Variants in CTNNBL1 observed in about 807,000 individuals in gnomAD.
CTNNBL1 encodes the protein beta-catenin-like protein 1.
Under a neutral mutation model 72.7 loss-of-function variants are expected in CTNNBL1, and 31 were observed. The ratio of observed to expected loss-of-function variants is 0.43; its 90% CI spans 0.32 to 0.58. The LOEUF (loss-of-function observed/expected upper bound fraction) is 0.58. Among genes scored for constraint, CTNNBL1 ranks in the 20% least tolerant of loss-of-function variants. The pLI, the probability that CTNNBL1 is intolerant of heterozygous loss-of-function variation, is 0.08. For missense variants in CTNNBL1, 534 were observed against 725.1 expected, an observed-to-expected ratio of 0.74 and a Z score of 3.03; for synonymous variants, 240 against 267.3, an observed-to-expected ratio of 0.90 and a Z score of 1.00.
chr20:37,755,717 T>C (rs950792032), intron 4 of CTNNBL1, among the ~76,000 whole-genome samples: 7 of 152,226 alleles, frequency 4.6e-5, no homozygotes, highest in Non-Finnish European at 7.3e-5. Flanking sequence ...CTGCATCTTT[T>C]ATTTTTTCTT....
At chr20:37,783,445 T>C (rs1159392095) in intron 10 of CTNNBL1, among the ~76,000 whole-genome samples, 1 of 152,162 alleles carries the variant, frequency 6.6e-6, no homozygotes, top group East Asian at 1.9e-4. Flanking sequence ...CTTTAAGATG[T>C]ATTGTTAGGT....
At chr20:37,733,127 G>A in intron 2 of CTNNBL1, 60 bp downstream of exon 2, 2 of 1,468,980 alleles carry the variant, frequency 1.4e-6, no homozygotes, top group Non-Finnish European at 9.4e-7. Flanking sequence ...GTAATTTTGG[G>A]CCAAATACTA....
At chr20:37,827,585 T>C (rs1429876351) in intron 11 of CTNNBL1, among the ~76,000 whole-genome samples, 1 of 152,214 alleles carries the variant, frequency 6.6e-6, no homozygotes, top group Non-Finnish European at 1.5e-5. Flanking sequence ...CTTTTTCCCC[T>C]GAGAAAGAAG....
At chr20:37,847,587 G>T (rs2072356996) in intron 13 of CTNNBL1, among the ~76,000 whole-genome samples, 1 of 152,138 alleles carries the variant, frequency 6.6e-6, no homozygotes, top group African/African-American at 2.4e-5. Context: ...CTGACTTCTT[G>T]TTGATTCTTT....
intron 13 of CTNNBL1, among the ~76,000 whole-genome samples, chr20:37,853,093 T>G (rs1221950291): frequency 6.6e-6 from 1 of 152,224 alleles, no homozygotes; most frequent in Non-Finnish European, 1.5e-5. Flanking sequence ...GCTGGGTGCC[T>G]TCTTTAGAAT....
chr20:37,816,274 CCA>C (rs1402410892), intron 11 of CTNNBL1, among the ~76,000 whole-genome samples: 13 of 152,142 alleles, frequency 8.5e-5, no homozygotes, highest in Admixed American at 7.2e-4. Context: ...GGGTAGGTCA[CCA>C]CTACGGATGG....
chr20:37,767,280 C>T (rs539802491), intron 6 of CTNNBL1, among the ~76,000 whole-genome samples: 2 of 151,820 alleles, frequency 1.3e-5, no homozygotes, highest in Non-Finnish European at 2.9e-5. Context: ...TCTCCTTTTT[C>T]GTATCATAGT....
chr20:37,722,731 A>G (rs1286506734), intron 1 of CTNNBL1, among the ~76,000 whole-genome samples: 2 of 152,192 alleles, frequency 1.3e-5, no homozygotes, highest in East Asian at 1.9e-4. Flanking sequence ...TGACTTATGC[A>G]AGGTCATGTG....
intron 7 of CTNNBL1, among the ~76,000 whole-genome samples, chr20:37,771,283 G>A (rs1486309532): frequency 6.6e-6 from 1 of 152,174 alleles, no homozygotes; most frequent in African/African-American, 2.4e-5. Flanking sequence ...CTCAGTCTCT[G>A]TCTTTGGTAT....
chr20:37,772,301 G>A (rs886317373), intron 7 of CTNNBL1, among the ~76,000 whole-genome samples: 4 of 152,336 alleles, frequency 2.6e-5, no homozygotes, highest in Non-Finnish European at 4.4e-5. Context: ...GACCCACTGA[G>A]TCTGCAAAGT....
Position 37,815,071 on chromosome 20 carries a change from C to CTGTG in CTNNBL1, c.1213+12024_1213+12027dup, listed in dbSNP as rs540541570. ...CCATTCAAACACTATGTTAGGGACT[C>CTGTG]TGTGAGTGTGTGTGTGTGTGTGTGT... is the stretch of plus-strand genomic sequence containing the variant. On this transcript the variant is annotated intron_variant, in intron 11 of 15. Coordinates refer to ENST00000361383, the MANE Select transcript of CTNNBL1 (RefSeq NM_030877.5). Among the ~76,000 whole-genome samples, 296 of 74,736 alleles carry CTGTG rather than the reference C, an allele frequency of 4.0e-3. 2 individuals are homozygous for CTGTG. Among genetic ancestry groups the CTGTG allele is most frequent in the African/African-American group, 0.016 (257 of 16,366 alleles). The allele number at this position is 74,736 out of a possible 152,430, so 49.0% of individuals were successfully genotyped here.
chr20:37,725,969 G>A (rs1302675845), intron 1 of CTNNBL1, among the ~76,000 whole-genome samples: 1 of 152,142 alleles, frequency 6.6e-6, no homozygotes, highest in Non-Finnish European at 1.5e-5. Context: ...GGGTGACAGA[G>A]TGAGGCTCCG....
chr20:37,730,723 T>A (rs1487718963), intron 1 of CTNNBL1, among the ~76,000 whole-genome samples: 1 of 152,208 alleles, frequency 6.6e-6, no homozygotes, highest in Admixed American at 6.5e-5. Flanking sequence ...ACACCTGTAG[T>A]CTCAGCTATT....
intron 10 of CTNNBL1, among the ~76,000 whole-genome samples, chr20:37,784,943 A>G (rs2073659299): frequency 6.6e-6 from 1 of 152,112 alleles, no homozygotes; most frequent in African/African-American, 2.4e-5. Flanking sequence ...GAAATCCCTC[A>G]GCTTTTGTTT....
At chr20:37,710,317 C>G (rs1457977823) in intron 1 of CTNNBL1, among the ~76,000 whole-genome samples, 2 of 152,144 alleles carry the variant, frequency 1.3e-5, no homozygotes, top group Non-Finnish European at 2.9e-5. Flanking sequence ...GCTGTCACTC[C>G]TTAGTGTTAT....
chr20:37,869,783 G>A (rs926684886), intron 15 of CTNNBL1, among the ~76,000 whole-genome samples: 4 of 152,188 alleles, frequency 2.6e-5, no homozygotes, highest in African/African-American at 4.8e-5. Context: ...TTCCCTGGAC[G>A]TTTGTTATTT....
chr20:37,819,301 T>A (rs2072085647), intron 11 of CTNNBL1, among the ~76,000 whole-genome samples: 1 of 152,214 alleles, frequency 6.6e-6, no homozygotes, highest in Non-Finnish European at 1.5e-5. Flanking sequence ...CCCATCATTA[T>A]TTTTGATTGA....
intron 1 of CTNNBL1, among the ~76,000 whole-genome samples, chr20:37,715,834 A>C (rs1397818253): frequency 6.6e-6 from 1 of 152,220 alleles, no homozygotes; most frequent in Non-Finnish European, 1.5e-5. Context: ...TTGTAAATTG[A>C]CAGCTAATGG....
chr20:37,857,684 G>A (rs939783856), intron 13 of CTNNBL1, among the ~76,000 whole-genome samples: 2 of 152,208 alleles, frequency 1.3e-5, no homozygotes, highest in African/African-American at 4.8e-5. Flanking sequence ...TTTGAATGTG[G>A]AAGAGTGGAA....
Sources: gnomAD v4.1 joint callset for allele counts (sites outside exome capture counted in the v4.1 genomes callset) on GRCh38, gnomAD v4.1.1 for gene constraint, MANE v1.5 for transcripts, NCBI Gene and HGNC (gene_info 2026-07-23, HGNC 2026-07-21) for gene names.